SPTBN5: variants seen among roughly 807,000 people sequenced by gnomAD.
The protein encoded by SPTBN5 is spectrin beta, non-erythrocytic 5.
SPTBN5 carries 513 observed loss-of-function variants against 477.6 expected under a neutral mutation model. The observed-to-expected ratio is 1.07, with a 90% CI of 1.00 to 1.16. SPTBN5 has a LOEUF of 1.16. SPTBN5 is among the 50% of genes most tolerant of loss of function. SPTBN5 has a pLI of 0.00. For synonymous variants in SPTBN5, 2,169 were observed against 2,011.7 expected (o/e 1.08, Z -2.09); for missense variants, 5,062 against 4,731.8 (o/e 1.07, Z -2.05).
At chr15:41,869,812 C>G (rs765320477) in intron 32 of SPTBN5, 29 bp downstream of exon 32, 20 of 1,527,888 alleles carry the variant, frequency 1.3e-5, no homozygotes, top group Non-Finnish European at 1.7e-5. Context: ...CATGCACACA[C>G]ACACCACCCA....
At chr15:41,850,743 T>C in intron 66 of SPTBN5, 111 bp downstream of exon 66, 1 of 918,610 alleles carries the variant, frequency 1.1e-6, no homozygotes, top group Non-Finnish European at 1.6e-6. Flanking sequence ...TTCTTGGAGG[T>C]TAGAGATGCT....
In SPTBN5 at chr15:41,855,651, C is replaced by T. The variant is rs778959980; in HGVS notation, c.9116G>A (p.Arg3039Gln). 1.1e-5 allele frequency: 18 copies of T among 1,608,188 alleles called. No individual in the cohort carries two copies. The highest frequency in any genetic ancestry group is 1.7e-4 in the Middle Eastern group (1 of 6,048). ...HSAEATQALL[R>Q]RLEATKRDLE... is the part of the protein sequence containing the mutation. The stretch of plus-strand genomic sequence containing the variant: ...GTCTCTCTTGGTGGCCTCCAGCCGC[C>T]GCAGAAGGGCCTGTGTGGCTTCAGC... The change falls in exon 54 of 68, where the codon CGG becomes CAG. Residue 3039 changes from arginine (R) to glutamine (Q), a missense_variant. Coordinates refer to ENST00000320955, the MANE Select transcript of SPTBN5 (RefSeq NM_016642.4).
At position 41,880,166 on chromosome 15, in the gene SPTBN5, T is replaced by C; in HGVS notation, c.2805A>G (p.Lys935=). The part of the protein sequence containing the change: ...QADTLEVMQL[K]YENFLTALAV... Reference sequence around the variant, plus strand: ...CAAGCTCCCAGGGCTGTACCTCATATTTGAGCTGCATGACCTCCAGGGTGT... The same window carrying C: ...CAAGCTCCCAGGGCTGTACCTCATACTTGAGCTGCATGACCTCCAGGGTGT... Residue 935 remains lysine (K), a synonymous_variant, in exon 14 of 68, where the codon AAA becomes AAG. Coordinates refer to ENST00000320955, the MANE Select transcript of SPTBN5 (RefSeq NM_016642.4). 3 of 1,599,682 alleles carry C rather than the reference T, an allele frequency of 1.9e-6. No individual in the cohort carries two copies. The highest frequency in any genetic ancestry group is 2.6e-6 in the Non-Finnish European group (3 of 1,173,876).
intron 33 of SPTBN5, 87 bp downstream of exon 33, chr15:41,868,311 G>C: frequency 6.4e-7 from 1 of 1,562,530 alleles, no homozygotes; most frequent in Non-Finnish European, 8.7e-7. Context: ...GGAGAGGCCA[G>C]CATGGCACAG....
chr15:41,887,572 C>A (rs2067194792), intron 5 of SPTBN5, 131 bp from the exon 6 acceptor site: 7 of 756,420 alleles, frequency 9.3e-6, no homozygotes, highest in Non-Finnish European at 1.5e-5. Flanking sequence ...CGACAGTTAT[C>A]TGAGGCCCTG....
At chr15:41,852,526 G>C in intron 61 of SPTBN5, 108 bp downstream of exon 61, 2 of 1,364,466 alleles carry the variant, frequency 1.5e-6, no homozygotes, top group Non-Finnish European at 2.1e-6. Context: ...AAAGGAGCAG[G>C]TAAGGCAGGG....
intron 49 of SPTBN5, 24 bp from the exon 50 acceptor site, chr15:41,857,734 C>G: frequency 6.5e-7 from 1 of 1,548,242 alleles, no homozygotes; most frequent in Non-Finnish European, 8.7e-7. Context: ...ATGAAACACA[C>G]CTTGTGGACT....
At chr15:41,871,606 C>G in intron 28 of SPTBN5, 86 bp from the exon 29 acceptor site, 1 of 1,416,264 alleles carries the variant, frequency 7.1e-7, no homozygotes, top group Non-Finnish European at 9.3e-7. Context: ...CAGTGCCCAA[C>G]TGGGTGATGT....
intron 36 of SPTBN5, 100 bp downstream of exon 36, chr15:41,866,859 C>G: frequency 7.1e-7 from 1 of 1,413,166 alleles, no homozygotes; most frequent in African/African-American, 1.4e-5. Flanking sequence ...CCATCCACCC[C>G]CGAACCTGTT....
At chr15:41,880,479 C>T (rs2066912631) in intron 13 of SPTBN5, among the ~76,000 whole-genome samples, 167 bp from the exon 14 acceptor site, 1 of 152,232 alleles carries the variant, frequency 6.6e-6, no homozygotes, top group African/African-American at 2.4e-5. Context: ...TCTCTCAGAG[C>T]CCTCTTGGCA....
At chr15:41,857,183 T>C in intron 51 of SPTBN5, 55 bp downstream of exon 51, 1 of 1,541,316 alleles carries the variant, frequency 6.5e-7, no homozygotes, top group Non-Finnish European at 8.8e-7. Flanking sequence ...AGGGCAGGGG[T>C]GGGGGTCCCT....
chr15:41,883,627 G>T, intron 7 of SPTBN5, 141 bp from the exon 8 acceptor site: 1 of 937,786 alleles, frequency 1.1e-6, no homozygotes, highest in Non-Finnish European at 1.6e-6. Context: ...GACTCTGACA[G>T]CATCCTGGCA....
chr15:41,885,126 C>T (rs1249891683), intron 7 of SPTBN5, among the ~76,000 whole-genome samples: 2 of 152,082 alleles, frequency 1.3e-5, no homozygotes, highest in African/African-American at 2.4e-5. Context: ...TGGGTTCAAG[C>T]GATTCTCCTG....
Position 41,893,346 on chromosome 15 carries a change from C to T in SPTBN5, c.152G>A (p.Arg51Gln), listed in dbSNP as rs368305813. The change falls in exon 2 of 68, where the codon CGG (arginine) becomes CAG (glutamine). Residue 51 changes from arginine to glutamine, a missense_variant. Transcript: ENST00000320955. ...ETGHIRKLQA[R>Q]HMQMQEKTFT... ...AGTCTTCTCCTGCATCTGCATGTGCCGGGCCTGTAGCTTGCGAATGTGGCC... is the reference window on the plus strand; with the variant it reads ...AGTCTTCTCCTGCATCTGCATGTGCTGGGCCTGTAGCTTGCGAATGTGGCC... 23 of 1,613,848 alleles carry T rather than the reference C, an allele frequency of 1.4e-5. No individual in the cohort carries two copies. The highest frequency in any genetic ancestry group is 1.1e-4 in the South Asian group (10 of 91,086).
At chr15:41,855,467 C>T (rs1355290306) in intron 54 of SPTBN5, 39 bp from the exon 55 acceptor site, 5 of 1,591,186 alleles carry the variant, frequency 3.1e-6, no homozygotes, top group Admixed American at 1.7e-5. Flanking sequence ...GCAGCCCTGC[C>T]TTTCCAGGCT....
In SPTBN5 at chr15:41,893,436, C is replaced by T; in HGVS notation, c.62G>A (p.Arg21Lys). 6.2e-7 allele frequency: 1 copy of T among 1,611,992 alleles called. No individual in the cohort carries two copies. The highest frequency in any genetic ancestry group is 8.5e-7 in the Non-Finnish European group (1 of 1,179,648). The change falls in exon 2 of 68, where the codon AGG (arginine) becomes AAG (lysine). Residue 21 changes from arginine to lysine, a missense_variant. By Grantham distance (26) the Arg-to-Lys change is conservative. Coordinates refer to ENST00000320955, the MANE Select transcript of SPTBN5 (RefSeq NM_016642.4). ...CGGGACCCGGAGTTCTGTGCTGGGC[C>T]TCCTGCTGCGGTGCCCTGCAGCCCC... ...LLGAAGHRSR[R>K]PSTELRVPPS...
chr15:41,892,736 G>T, intron 3 of SPTBN5, 158 bp downstream of exon 3: 1 of 791,634 alleles, frequency 1.3e-6, no homozygotes, highest in Middle Eastern at 3.8e-4. Context: ...AGGAGGGCGT[G>T]GCTTCTGCTC....
chr15:41,860,748 G>C lies in SPTBN5; in HGVS notation c.7826C>G (p.Ala2609Gly). Residue 2609 changes from alanine to glycine, a missense_variant, in exon 47 of 68, where the codon GCC becomes GGC. Physicochemically the swap from Ala to Gly is moderately conservative, Grantham distance 60. Coordinates refer to ENST00000320955, the MANE Select transcript of SPTBN5 (RefSeq NM_016642.4). ...CTTCCACAGAAGGGGCTCCATGGGG[G>C]CCAAGGGGTCCTGGTGGGAGTGGGG... ...LASEGLWDPLAPMEPLLWKHK... is the reference protein window; with the variant it reads ...LASEGLWDPLGPMEPLLWKHK... 6.3e-7 allele frequency: 1 copy of C among 1,589,046 alleles called. No individual in the cohort carries two copies.
chr15:41,870,527 C>G lies in SPTBN5; in HGVS notation c.5481G>C (p.Gln1827His), dbSNP rs1201871029. The G allele has an allele frequency of 5.0e-6, 8 of 1,611,402 alleles. No homozygotes were observed. In the African/African-American group the frequency reaches 9.3e-5, roughly 19 times the overall value. Residue 1827 changes from glutamine to histidine, a missense_variant, in exon 30 of 68, where the codon CAG becomes CAC. Coordinates refer to ENST00000320955, the MANE Select transcript of SPTBN5 (RefSeq NM_016642.4). Reference protein sequence around the residue: ...TAWSELWELTQARGHALRDTE... With the variant: ...TAWSELWELTHARGHALRDTE... ...TGTCTCGGAGCGCGTGGCCTCGGGC[C>G]TGGGTCAGCTCCCACAGCTCCGACC...
Sources: allele counts gnomAD v4.1 joint callset (sites outside exome capture counted in the v4.1 genomes callset), GRCh38; gene constraint gnomAD v4.1.1; transcripts MANE v1.5; gene names NCBI Gene and HGNC (gene_info 2026-07-23, HGNC 2026-07-21).